Variants in GPC6 observed in about 807,000 individuals in gnomAD.
GPC6 encodes the protein glypican 6, also known as glypican-6.
In GPC6, 14 loss-of-function variants were observed where a neutral mutation model predicts 55.2. That is an observed-to-expected ratio of 0.25 (90% CI 0.17 to 0.40). The LOEUF (loss-of-function observed/expected upper bound fraction) is 0.40. Among genes scored for constraint, GPC6 ranks in the 10% least tolerant of loss-of-function variants. The pLI is 1.00. For missense variants in GPC6, 641 were observed against 708.5 expected (o/e 0.90, Z 1.08); for synonymous variants, 278 against 259.6 (o/e 1.07, Z -0.68).
intron 1 of GPC6, among the ~76,000 whole-genome samples, chr13:93,483,721 C>A (rs1268060989): frequency 2.0e-5 from 3 of 152,112 alleles, no homozygotes; most frequent in Non-Finnish European, 4.4e-5. Flanking sequence ...TTTAATTAAT[C>A]ATTCGGCAAT....
chr13:93,740,324 G>A (rs1468554273), intron 2 of GPC6, among the ~76,000 whole-genome samples: 1 of 152,158 alleles, frequency 6.6e-6, no homozygotes, highest in Non-Finnish European at 1.5e-5. Flanking sequence ...ATCACCTAAA[G>A]TAAACATGTA....
intron 2 of GPC6, among the ~76,000 whole-genome samples, chr13:93,654,707 G>A (rs1880575924): frequency 6.6e-6 from 1 of 152,088 alleles, no homozygotes; most frequent in African/African-American, 2.4e-5. Flanking sequence ...ACCAGGCTAG[G>A]TAACTACATG....
intron 4 of GPC6, among the ~76,000 whole-genome samples, chr13:94,096,393 T>C (rs1013906712): frequency 1.3e-5 from 2 of 151,582 alleles, no homozygotes; most frequent in African/African-American, 4.8e-5. Flanking sequence ...CAATGCTTCA[T>C]ACACATACCT....
intron 2 of GPC6, among the ~76,000 whole-genome samples, chr13:93,699,738 T>C (rs980436645): frequency 2.1e-4 from 32 of 152,174 alleles, no homozygotes; most frequent in Admixed American, 6.6e-5. Flanking sequence ...GTCCTGATTC[T>C]ATTACTATGG....
At chr13:93,521,700 G>T (rs571086351) in intron 1 of GPC6, among the ~76,000 whole-genome samples, 2 of 152,086 alleles carry the variant, frequency 1.3e-5, no homozygotes, top group African/African-American at 4.8e-5. Context: ...CTTATATGAG[G>T]TGATTGGTGG....
At chr13:94,017,665 T>C (rs1882521172) in intron 3 of GPC6, among the ~76,000 whole-genome samples, 2 of 152,048 alleles carry the variant, frequency 1.3e-5, no homozygotes, top group Admixed American at 1.3e-4. Flanking sequence ...AGAGAGTTTT[T>C]ATTGTTGTTG....
chr13:93,313,022 A>G (rs577553920), intron 1 of GPC6, among the ~76,000 whole-genome samples: 10 of 152,312 alleles, frequency 6.6e-5, no homozygotes, highest in Admixed American at 3.9e-4. Flanking sequence ...AATGTGTTCT[A>G]GGTAATGAAG....
At chr13:93,358,442 G>A (rs1455314255) in intron 1 of GPC6, among the ~76,000 whole-genome samples, 2 of 152,106 alleles carry the variant, frequency 1.3e-5, no homozygotes, top group East Asian at 1.9e-4. Flanking sequence ...ACAATACCAA[G>A]AGGTGGCTAT....
intron 4 of GPC6, among the ~76,000 whole-genome samples, chr13:94,190,218 G>T (rs1889344137): frequency 6.6e-6 from 1 of 151,888 alleles, no homozygotes; most frequent in Admixed American, 6.6e-5. Flanking sequence ...AGCTACTCAG[G>T]AGGCTGAGGC....
At chr13:93,392,008 T>C (rs1391702286) in intron 1 of GPC6, among the ~76,000 whole-genome samples, 2 of 152,214 alleles carry the variant, frequency 1.3e-5, no homozygotes, top group African/African-American at 4.8e-5. Flanking sequence ...TGTTGCCAGA[T>C]GGTACTCTGT....
At chr13:94,389,846 G>A (rs1021389175) in intron 7 of GPC6, among the ~76,000 whole-genome samples, 2 of 152,162 alleles carry the variant, frequency 1.3e-5, no homozygotes, top group African/African-American at 4.8e-5. Flanking sequence ...TCCTTGTAAG[G>A]CAGTGTTGAG....
chr13:93,222,075 GTTA>G (rs1875642079), upstream of GPC6, among the ~76,000 whole-genome samples: 2 of 152,190 alleles, frequency 1.3e-5, no homozygotes, highest in East Asian at 1.9e-4. Context: ...ATACTTCAGA[GTTA>G]TTATTTGATT....
intron 3 of GPC6, among the ~76,000 whole-genome samples, chr13:93,926,685 A>G (rs993859991): frequency 1.3e-5 from 2 of 152,180 alleles, no homozygotes; most frequent in Non-Finnish European, 2.9e-5. Flanking sequence ...GTGAATTGTT[A>G]TGGGCTATAA....
chr13:94,121,803 G>T (rs959859616), intron 4 of GPC6, among the ~76,000 whole-genome samples: 7 of 151,998 alleles, frequency 4.6e-5, no homozygotes, highest in South Asian at 2.1e-4. Flanking sequence ...CCTCTCCAGG[G>T]TCTGTGGATT....
intron 4 of GPC6, among the ~76,000 whole-genome samples, chr13:94,188,195 G>T (rs1003405622): frequency 2.0e-5 from 3 of 152,120 alleles, no homozygotes; most frequent in African/African-American, 7.2e-5. Context: ...TGTGCACTAA[G>T]GTGCAGCAGT....
At chr13:93,532,667 A>T (rs1055748392) in intron 1 of GPC6, among the ~76,000 whole-genome samples, 1 of 152,046 alleles carries the variant, frequency 6.6e-6, no homozygotes, top group African/African-American at 2.4e-5. Flanking sequence ...TTCTGATCAC[A>T]CCTTCTTCTA....
chr13:93,683,842 A>G lies in GPC6; in HGVS notation c.319+138421A>G, dbSNP rs1051253599. Among the ~76,000 whole-genome samples, 4 of 152,098 alleles carry G rather than the reference A, an allele frequency of 2.6e-5. No individual in the cohort carries two copies. In the South Asian group the frequency reaches 6.2e-4, roughly 24 times the overall value. ...AATGGCTTGTAAATGACAGAAACTT[A>G]TGTCTCACAGTTCTGGAGGCTAGAA... is the stretch of plus-strand genomic sequence containing the variant. On this transcript the variant is annotated intron_variant, in intron 2 of 8. Transcript: ENST00000377047.
intron 3 of GPC6, among the ~76,000 whole-genome samples, chr13:93,892,270 C>T (rs1054767618): frequency 2.7e-5 from 4 of 150,530 alleles, no homozygotes; most frequent in African/African-American, 4.8e-5. Flanking sequence ...GAAGCCCCAA[C>T]GAAAGCATTC....
intron 1 of GPC6, among the ~76,000 whole-genome samples, chr13:93,491,969 T>C (rs1880028495): frequency 7.9e-6 from 1 of 127,176 alleles, no homozygotes; most frequent in African/African-American, 3.0e-5. Context: ...CCTCCAGCTT[T>C]GTTCTTTTGG....
Sources: gnomAD v4.1 joint callset for allele counts (sites outside exome capture counted in the v4.1 genomes callset) on GRCh38, gnomAD v4.1.1 for gene constraint, MANE v1.5 for transcripts, NCBI Gene and HGNC (gene_info 2026-07-23, HGNC 2026-07-21) for gene names.